Variants in BRD1 observed in about 807,000 individuals in gnomAD.
The protein encoded by BRD1 is bromodomain-containing protein 1.
BRD1 carries 24 observed loss-of-function variants against 107.7 expected under a neutral mutation model. The ratio of observed to expected loss-of-function variants is 0.22; its 90% CI spans 0.16 to 0.31. BRD1 has a LOEUF of 0.31. Ranked by LOEUF, BRD1 falls within the 10% of genes least tolerant of loss-of-function variation. BRD1 has a pLI of 1.00. For missense variants in BRD1, 1,279 were observed against 1,638.6 expected (o/e 0.78, Z 3.79); for synonymous variants, 744 against 686.1 (o/e 1.08, Z -1.32).
chr22:49,789,490 T>TCCCCCCCCCCCC (rs377366419), intron 7 of BRD1, among the ~76,000 whole-genome samples: 1 of 139,682 alleles, frequency 7.2e-6, no homozygotes, highest in Non-Finnish European at 1.6e-5. Context: ...CCTCCTAGCC[T>TCCCCCCCCCCCC]CCCCCCCCCG....
chr22:49,776,034 C>G lies in BRD1; in HGVS notation c.3231+16G>C, dbSNP rs193184062. The G allele has an allele frequency of 1.1e-4, 174 of 1,599,478 alleles. No individual in the cohort carries two copies. The African/African-American group carries it at 2.0e-3, about 18-fold the overall frequency. ...GCCTCCTCTGGACCCGCAGGCGCCA[C>G]GAGAGCCGTACTCACCAGTGCCGGG... On this transcript the variant is annotated intron_variant, in intron 11 of 12. Coordinates refer to ENST00000404760, the MANE Select transcript of BRD1 (RefSeq NM_001304808.3).
rs764264691 is a variant in BRD1, at chr22:49,793,645, G to A, written c.2359+389C>T. ...CTAGCGCACAATTAAATGGCTCCCCGCCAATTTACAAAATGCAACAAAAAC... is the reference window on the plus strand; with the variant it reads ...CTAGCGCACAATTAAATGGCTCCCCACCAATTTACAAAATGCAACAAAAAC... On this transcript the variant is annotated intron_variant, in intron 7 of 12. Transcript: ENST00000404760. Among the ~76,000 whole-genome samples, 5 of 152,096 alleles carry A rather than the reference G, an allele frequency of 3.3e-5. No homozygotes were observed. In the East Asian group the frequency reaches 7.7e-4, roughly 23 times the overall value.
At chr22:49,817,564 G>C (rs892760244) in intron 2 of BRD1, 3 of 188,106 alleles carry the variant, frequency 1.6e-5, no homozygotes, top group African/African-American at 4.8e-5. Flanking sequence ...AGGGGCCCTA[G>C]ACTGCTCTGT....
At position 49,787,565 on chromosome 22, in the gene BRD1, TG is replaced by T; in HGVS notation, c.2681del (p.Pro894GlnfsTer16). ...LFCKSKSVSP[P>X]KSAKNTETQP... ...GGGTTTCAGTGTTCTTGGCAGACTT[TG>T]GGGGGCTTACACTTTTCGATTTGCA... On this transcript the variant is annotated frameshift_variant, in exon 8 of 13. Coordinates refer to ENST00000404760, the MANE Select transcript of BRD1 (RefSeq NM_001304808.3). LOFTEE classifies it high-confidence loss of function. The T allele has an allele frequency of 6.3e-7, 1 of 1,586,096 alleles. No individual in the cohort carries two copies. The highest frequency in any genetic ancestry group is 8.6e-7 in the Non-Finnish European group (1 of 1,165,432).
At chr22:49,812,948 T>C (rs1388268244) in intron 2 of BRD1, among the ~76,000 whole-genome samples, 1 of 152,142 alleles carries the variant, frequency 6.6e-6, no homozygotes, top group Non-Finnish European at 1.5e-5. Context: ...AACCGCAGAC[T>C]GAGGCTCAGC....
intron 1 of BRD1, among the ~76,000 whole-genome samples, chr22:49,825,154 C>T (rs911618326): frequency 1.4e-4 from 22 of 152,150 alleles, no homozygotes; most frequent in Admixed American, 2.6e-4. Flanking sequence ...GTGCTGGCCA[C>T]GTCCTCCTCC....
chr22:49,810,726 G>C (rs1021752433), intron 2 of BRD1, among the ~76,000 whole-genome samples: 3 of 152,202 alleles, frequency 2.0e-5, no homozygotes, highest in Admixed American at 2.0e-4. Context: ...AGCCACTGTG[G>C]AACTGCAAAG....
chr22:49,818,961 G>A (rs2060009773), intron 2 of BRD1, among the ~76,000 whole-genome samples: 5 of 151,958 alleles, frequency 3.3e-5, no homozygotes, highest in African/African-American at 1.2e-4. Context: ...GAGAGGAAGT[G>A]AAAAGAAAAA....
At chr22:49,788,099 T>A (rs1019799664) in intron 7 of BRD1, among the ~76,000 whole-genome samples, 1 of 152,204 alleles carries the variant, frequency 6.6e-6, no homozygotes, top group Admixed American at 6.5e-5. Context: ...CTGGGTGCAG[T>A]GCCCAGGCAC....
chr22:49,793,977 G>C, intron 7 of BRD1, 57 bp downstream of exon 7: 1 of 1,566,880 alleles, frequency 6.4e-7, no homozygotes, highest in South Asian at 1.2e-5. Flanking sequence ...GCCTGTGCCT[G>C]TGCCTGAGCC....
intron 2 of BRD1, among the ~76,000 whole-genome samples, chr22:49,821,436 G>C (rs1032195818): frequency 1.3e-5 from 2 of 152,136 alleles, no homozygotes; most frequent in Admixed American, 6.6e-5. Flanking sequence ...AATTTACAAA[G>C]ACAAACACCT....
intron 2 of BRD1, among the ~76,000 whole-genome samples, chr22:49,805,179 C>A (rs1192273689): frequency 6.6e-6 from 1 of 152,244 alleles, no homozygotes; most frequent in African/African-American, 2.4e-5. Flanking sequence ...CTTCAAGTCT[C>A]CCAAGAAATG....
At chr22:49,800,757 A>G (rs182835435) in intron 3 of BRD1, among the ~76,000 whole-genome samples, 48 of 152,322 alleles carry the variant, frequency 3.2e-4, no homozygotes, top group African/African-American at 1.1e-3. Context: ...CAAGGGCTCG[A>G]TATTTCCCAT....
At chr22:49,785,432 A>AG (rs554631474) in intron 8 of BRD1, among the ~76,000 whole-genome samples, 46 of 152,374 alleles carry the variant, frequency 3.0e-4, no homozygotes, top group African/African-American at 7.9e-4. Context: ...CTGCATGCAG[A>AG]GGGGACGCCC....
In BRD1 at chr22:49,776,250, C is replaced by T. The variant is rs1022552261; in HGVS notation, c.3122-91G>A. ...CAAAAGGTGCAGCAACAGGGTGGGT[C>T]CCCCGAGCACAGCCCAGCTCCCAGG... On this transcript the variant is annotated intron_variant, in intron 10 of 12. Transcript: ENST00000404760. The T allele has an allele frequency of 3.5e-6, 4 of 1,128,506 alleles. No individual in the cohort carries two copies. In the Admixed American group the frequency reaches 6.0e-5, roughly 17 times the overall value. 69.9% of individuals were successfully genotyped at this position (1,128,506 alleles called of 1,614,324 possible). A position where few individuals can be genotyped will look rare whatever the true frequency, so the allele number is the denominator to read the frequency against.
At chr22:49,813,825 T>TA (rs1275845030) in intron 2 of BRD1, among the ~76,000 whole-genome samples, 15 of 147,822 alleles carry the variant, frequency 1.0e-4, no homozygotes, top group Non-Finnish European at 2.1e-4. Flanking sequence ...TGAGACTCCA[T>TA]TTAAAAAAAA....
At chr22:49,805,344 C>G (rs999167463) in intron 2 of BRD1, 2 of 152,344 alleles carry the variant, frequency 1.3e-5, no homozygotes, top group African/African-American at 4.8e-5. Context: ...CCGTGAGGTG[C>G]CTTCTCACAG....
chr22:49,818,997 C>G (rs890254943), intron 2 of BRD1, among the ~76,000 whole-genome samples: 3 of 152,096 alleles, frequency 2.0e-5, no homozygotes, highest in African/African-American at 7.2e-5. Flanking sequence ...GTGGTTCACG[C>G]CTGTAATCTC....
At chr22:49,800,947 C>T (rs2059629502) in intron 3 of BRD1, among the ~76,000 whole-genome samples, 1 of 152,176 alleles carries the variant, frequency 6.6e-6, no homozygotes, top group Non-Finnish European at 1.5e-5. Flanking sequence ...GACAGGCCAG[C>T]TCCTGGGGTG....
Sources: gnomAD v4.1 joint callset for allele counts (sites outside exome capture counted in the v4.1 genomes callset) on GRCh38, gnomAD v4.1.1 for gene constraint, MANE v1.5 for transcripts, NCBI Gene and HGNC (gene_info 2026-07-23, HGNC 2026-07-21) for gene names.